The following WDR12 variants were observed in gnomAD, a reference collection of about 807,000 sequenced individuals.
WDR12 encodes ribosome biogenesis protein WDR12.
A neutral mutation model predicts 64.3 loss-of-function variants in WDR12; 42 were observed. That is an observed-to-expected ratio of 0.65 (90% confidence interval 0.51 to 0.84). WDR12 has a LOEUF of 0.84. Among genes scored for constraint, WDR12 ranks in the 40% least tolerant of loss-of-function variants. WDR12 has a pLI of 0.00. For synonymous variants in WDR12, 158 were observed against 173.3 expected (o/e 0.91, Z 0.70); for missense variants, 469 against 494.6 (o/e 0.95, Z 0.49).
chr2:202,883,802 C>T, intron 10 of WDR12, 61 bp from the exon 11 acceptor site: 1 of 1,513,262 alleles, frequency 6.6e-7, no homozygotes. Flanking sequence ...TAGAAGGAAC[C>T]CAAAAAATAT....
At chr2:202,906,820 G>A (rs547511748) in intron 2 of WDR12, among the ~76,000 whole-genome samples, 2 of 152,052 alleles carry the variant, frequency 1.3e-5, no homozygotes, top group Non-Finnish European at 2.9e-5. Flanking sequence ...TTTATGTAAT[G>A]TTTCTTTACT....
At chr2:202,894,683 C>A in intron 6 of WDR12, 57 bp from the exon 7 acceptor site, 3 of 1,440,426 alleles carry the variant, frequency 2.1e-6, no homozygotes, top group Non-Finnish European at 2.8e-6. Flanking sequence ...TATTATTTGC[C>A]TACAACAGTA....
At chr2:202,902,857 G>A (rs976468195) in intron 2 of WDR12, among the ~76,000 whole-genome samples, 1 of 152,062 alleles carries the variant, frequency 6.6e-6, no homozygotes, top group African/African-American at 2.4e-5. Context: ...CCAGTACTTT[G>A]GGAGGCCAAG....
Position 202,907,953 on chromosome 2 carries a change from G to C in WDR12, c.48C>G (p.Ala16=). ...GGATTGAGAAGGGAACATCATCTAC[G>C]GCATATCTATAAAAAGGAAATGATA... ...TRFYTDNKKY[A]VDDVPFSIPA... Residue 16 remains alanine, a synonymous_variant, in exon 2 of 13, where the codon GCC becomes GCG. Coordinates refer to ENST00000261015, the MANE Select transcript of WDR12 (RefSeq NM_018256.4). 1 of 1,613,536 alleles carries C rather than the reference G, an allele frequency of 6.2e-7. No individual in the cohort carries two copies. The highest frequency in any genetic ancestry group is 8.5e-7 in the Non-Finnish European group (1 of 1,179,630).
At chr2:202,898,225 A>T (rs1466522895) in intron 4 of WDR12, among the ~76,000 whole-genome samples, 1 of 151,952 alleles carries the variant, frequency 6.6e-6, no homozygotes, top group Admixed American at 6.6e-5. Flanking sequence ...ATCTCAGCTC[A>T]CTGCAACCTC....
intron 6 of WDR12, among the ~76,000 whole-genome samples, chr2:202,895,407 TTTTC>T (rs1412190554): frequency 2.0e-5 from 3 of 152,160 alleles, no homozygotes; most frequent in African/African-American, 7.2e-5. Flanking sequence ...CAACTAGGCG[TTTTC>T]AGTTGATGAC....
intron 4 of WDR12, among the ~76,000 whole-genome samples, chr2:202,898,082 C>CA (rs953836753): frequency 2.0e-5 from 3 of 149,448 alleles, no homozygotes; most frequent in Admixed American, 2.0e-4. Flanking sequence ...CACCCCCACC[C>CA]AAAAAAAATC....
intron 5 of WDR12, among the ~76,000 whole-genome samples, chr2:202,896,509 G>A (rs1173852079): frequency 6.6e-6 from 1 of 152,126 alleles, no homozygotes; most frequent in Non-Finnish European, 1.5e-5. Flanking sequence ...TGGCCAACAT[G>A]GCAAAACCCT....
intron 8 of WDR12, among the ~76,000 whole-genome samples, chr2:202,885,370 C>A (rs1324644701): frequency 1.3e-5 from 2 of 152,114 alleles, no homozygotes; most frequent in Admixed American, 1.3e-4. Flanking sequence ...GCCCAGGATG[C>A]GGTGGGTGAA....
At chr2:202,899,196 C>T (rs763788735) in intron 4 of WDR12, among the ~76,000 whole-genome samples, 4 of 151,768 alleles carry the variant, frequency 2.6e-5, no homozygotes, top group Non-Finnish European at 5.9e-5. Flanking sequence ...GCGCCCACCA[C>T]CACGCCCGGC....
chr2:202,896,356 T>G, intron 5 of WDR12, 137 bp from the exon 6 acceptor site: 1 of 939,708 alleles, frequency 1.1e-6, no homozygotes, highest in South Asian at 1.9e-5. Flanking sequence ...TGGCCAGGTT[T>G]TAAAAGGCTG....
At position 202,882,603 on chromosome 2, in the gene WDR12, C is replaced by T; in HGVS notation, c.1194+108G>A. On this transcript the variant is annotated intron_variant, in intron 12 of 12. Transcript: ENST00000261015. ...TTGGCCTCCCAAAGTGCTGCGATTA[C>T]AGGCGTGAGCCACTGCACCCGGCCC... 8.2e-6 allele frequency: 9 copies of T among 1,099,080 alleles called. No individual in the cohort carries two copies. The South Asian group carries it at 8.2e-5, about 10-fold the overall frequency. The allele number at this position is 1,099,080 out of a possible 1,614,324, so 68.1% of individuals were successfully genotyped here. A position where few individuals can be genotyped will look rare whatever the true frequency, so the allele number is the denominator to read the frequency against.
At chr2:202,882,670 T>C (rs1373023734) in intron 12 of WDR12, 41 bp downstream of exon 12, 8 of 1,579,472 alleles carry the variant, frequency 5.1e-6, no homozygotes, top group Non-Finnish European at 6.1e-6. Flanking sequence ...AGATTTATTC[T>C]AGTCACTTTC....
intron 8 of WDR12, among the ~76,000 whole-genome samples, chr2:202,889,237 C>T (rs770416517): frequency 6.6e-6 from 1 of 151,996 alleles, no homozygotes; most frequent in Non-Finnish European, 1.5e-5. Flanking sequence ...AAAGTATGCA[C>T]CTAGAAATAA....
At chr2:202,890,319 A>T (rs1015419651) in intron 8 of WDR12, among the ~76,000 whole-genome samples, 1 of 152,234 alleles carries the variant, frequency 6.6e-6, no homozygotes, top group African/African-American at 2.4e-5. Context: ...ATGAAATTTT[A>T]AAAATAGGTA....
intron 2 of WDR12, among the ~76,000 whole-genome samples, chr2:202,904,642 C>A (rs1688422099): frequency 6.6e-6 from 1 of 152,172 alleles, no homozygotes; most frequent in African/African-American, 2.4e-5. Context: ...AACTAGACCC[C>A]TATCTCTTGC....
intron 7 of WDR12, among the ~76,000 whole-genome samples, chr2:202,893,871 T>C (rs140602616): frequency 6.6e-6 from 1 of 152,270 alleles, no homozygotes; most frequent in East Asian, 1.9e-4. Flanking sequence ...TTAATATTGG[T>C]AAAACTGCAT....
intron 6 of WDR12, among the ~76,000 whole-genome samples, chr2:202,895,689 AT>A (rs56005993): frequency 0.73 from 87,122 of 119,168 alleles, 31,473 homozygotes; most frequent in East Asian, 0.89. Context: ...TGCCCGGCTT[AT>A]TTTTTTTTTT....
At chr2:202,893,087 C>T (rs193111928) in intron 7 of WDR12, among the ~76,000 whole-genome samples, 19 of 152,132 alleles carry the variant, frequency 1.2e-4, no homozygotes, top group Admixed American at 1.0e-3. Flanking sequence ...ACATGATAAA[C>T]GCACATACAT....
Sources: gnomAD v4.1 joint callset for allele counts (sites outside exome capture counted in the v4.1 genomes callset) on GRCh38, gnomAD v4.1.1 for gene constraint, MANE v1.5 for transcripts, NCBI Gene and HGNC (gene_info 2026-07-23, HGNC 2026-07-21) for gene names.